Variants in TSEN34 observed in about 807,000 individuals in gnomAD.
TSEN34 encodes tRNA-splicing endonuclease subunit Sen34.
A neutral mutation model predicts 30.2 loss-of-function variants in TSEN34; 25 were observed. The ratio of observed to expected loss-of-function variants is 0.83; its 90% confidence interval spans 0.60 to 1.16. The LOEUF (loss-of-function observed/expected upper bound fraction) is 1.16. TSEN34 is among the 50% of genes most tolerant of loss of function. The pLI, the probability that TSEN34 is intolerant of heterozygous loss-of-function variation, is 0.00. For synonymous variants in TSEN34, 209 were observed against 177.4 expected (o/e 1.18, Z -1.41); for missense variants, 475 against 411.9 (o/e 1.15, Z -1.33).
chr19:54,190,075 A>AC (rs1350041549), upstream of TSEN34: 1 of 523,534 alleles, frequency 1.9e-6, no homozygotes, highest in African/African-American at 2.0e-5. Flanking sequence ...AAGGGGCGGA[A>AC]CCCCGAGGGC....
upstream of TSEN34, chr19:54,190,382 G>A: frequency 6.6e-7 from 1 of 1,504,776 alleles, no homozygotes; most frequent in Non-Finnish European, 8.9e-7. Flanking sequence ...GTGACTCGCT[G>A]GTTCTATCGG....
Position 54,194,501 on chromosome 19 carries a change from C to T in TSEN34, c.*1139C>T, listed in dbSNP as rs2076824374. On this transcript the variant is annotated 3_prime_UTR_variant, in exon 4 of 4. Coordinates refer to ENST00000396388, the MANE Select transcript of TSEN34 (RefSeq NM_001077446.4). ...TTAAGAAAGTACTAGAACACTACCA[C>T]TATTCCAATAATTACACCTTTATCT... 6.6e-6 allele frequency: 1 copy of T among 152,194 alleles called. No individual in the cohort carries two copies. The highest frequency in any genetic ancestry group is 2.4e-5 in the African/African-American group (1 of 41,448). The allele number at this position is 152,194 out of a possible 1,614,324, so 9.4% of individuals were successfully genotyped here.
At chr19:54,190,403 G>GAC (rs2076621369), upstream of TSEN34, 1 of 1,484,432 alleles carries the variant, frequency 6.7e-7, no homozygotes, top group South Asian at 1.3e-5. Context: ...TGGACAGTGG[G>GAC]ACATTCTGAA....
chr19:54,192,460 T>G (rs1045534380), intron 3 of TSEN34, 87 bp downstream of exon 3: 1 of 1,531,710 alleles, frequency 6.5e-7, no homozygotes, highest in Non-Finnish European at 8.9e-7. Context: ...TTTTTTTGTC[T>G]TAATAGAGGT....
chr19:54,190,463 G>A (rs2076625089), upstream of TSEN34: 10 of 1,389,436 alleles, frequency 7.2e-6, no homozygotes, highest in South Asian at 1.4e-4. Flanking sequence ...GAGCCCGCCC[G>A]AGCGGAGAGT....
upstream of TSEN34, chr19:54,190,517 C>A: frequency 7.5e-7 from 1 of 1,330,296 alleles, no homozygotes; most frequent in Middle Eastern, 2.4e-4. Context: ...CTGTGGGGTT[C>A]GGTCGTAGGG....
rs1388984477 is a variant in TSEN34, at chr19:54,191,509, C to T, written c.145C>T (p.Pro49Ser). ...CCGCCAGAACTCGCGCCTGGGCCTC[C>T]CGCTGCTGCTGATGCCCGAAGAGGC... ...GPRQNSRLGL[P>S]LLLMPEEARL... Residue 49 changes from proline (P) to serine (S), a missense_variant, in exon 1 of 4, where the codon CCG becomes TCG. Physicochemically the swap from Pro to Ser is moderately conservative, Grantham distance 74. Transcript: ENST00000396388. 1 of 1,585,888 alleles carries T rather than the reference C, an allele frequency of 6.3e-7. No individual in the cohort carries two copies. Among genetic ancestry groups the T allele is most frequent in the Non-Finnish European group, 8.5e-7 (1 of 1,171,110 alleles).
In TSEN34 at chr19:54,193,720, T is replaced by A. The variant is rs762136353; in HGVS notation, c.*358T>A. 3 of 737,880 alleles carry A rather than the reference T, an allele frequency of 4.1e-6. No individual in the cohort carries two copies. Among genetic ancestry groups the A allele is most frequent in the Non-Finnish European group, 7.2e-6 (3 of 417,406 alleles). 45.7% of individuals were successfully genotyped at this position (737,880 alleles called of 1,614,324 possible). ...GAACCCGTGGATGGTCTCATCTGCATGTACAGGTGAGAAAAAGGCCTGGAG... is the reference window on the plus strand; with the variant it reads ...GAACCCGTGGATGGTCTCATCTGCAAGTACAGGTGAGAAAAAGGCCTGGAG... On this transcript the variant is annotated 3_prime_UTR_variant, in exon 4 of 4. Coordinates refer to ENST00000396388, the MANE Select transcript of TSEN34 (RefSeq NM_001077446.4).
chr19:54,194,050 T>A lies in TSEN34; in HGVS notation c.*688T>A, dbSNP rs115025822. 1,851 of 182,218 alleles carry A rather than the reference T, an allele frequency of 0.01. 44 individuals are homozygous for A. Among genetic ancestry groups the A allele is most frequent in the African/African-American group, 0.042 (1,746 of 41,894 alleles). 11.3% of individuals were successfully genotyped at this position (182,218 alleles called of 1,614,324 possible). On this transcript the variant is annotated 3_prime_UTR_variant, in exon 4 of 4. Transcript: ENST00000396388. Reference sequence around the variant, plus strand: ...TACCCAGTCTCTACAAAAAATAATTTAAAAAAAAATTAGCCAGGGATCCCT... The same window carrying A: ...TACCCAGTCTCTACAAAAAATAATTAAAAAAAAAATTAGCCAGGGATCCCT...
At position 54,191,627 on chromosome 19, in the gene TSEN34, A is replaced by G. The variant is rs772763414; in HGVS notation, c.243+20A>G. 6.2e-7 allele frequency: 1 copy of G among 1,605,616 alleles called. No individual in the cohort carries two copies. Among genetic ancestry groups the G allele is most frequent in the East Asian group, 2.2e-5 (1 of 44,826 alleles). On this transcript the variant is annotated intron_variant, in intron 1 of 3. Transcript: ENST00000396388. Reference sequence around the variant, plus strand: ...AGCCTGGTAAGGGGGCGGGGCTCGAACTCGGGTTCGGTGGGAGCGGGACCT... The same window carrying G: ...AGCCTGGTAAGGGGGCGGGGCTCGAGCTCGGGTTCGGTGGGAGCGGGACCT...
Position 54,191,393 on chromosome 19 carries a change from G to T in TSEN34, c.29G>T (p.Arg10Leu), listed in dbSNP as rs1420559426. Residue 10 changes from arginine (R) to leucine (L), a missense_variant, in exon 1 of 4, where the codon CGC (arginine) becomes CTC (leucine). Transcript: ENST00000396388. MLVVEVANG[R>L]SLVWGAEAVQ... is the part of the protein sequence containing the mutation. ...CTGGTGGTGGAGGTGGCGAACGGCC[G>T]CTCCCTGGTGTGGGGAGCCGAGGCG... is the stretch of plus-strand genomic sequence containing the variant. The T allele has an allele frequency of 1.3e-6, 2 of 1,549,478 alleles. No individual in the cohort carries two copies. Among genetic ancestry groups the T allele is most frequent in the Admixed American group, 3.9e-5 (2 of 51,058 alleles).
At chr19:54,190,467 G>A (rs2076625396), upstream of TSEN34, 4 of 1,386,506 alleles carry the variant, frequency 2.9e-6, no homozygotes, top group African/African-American at 4.6e-5. Context: ...CCGCCCGAGC[G>A]GAGAGTGGAC....
Position 54,193,853 on chromosome 19 carries a change from C to T in TSEN34, c.*491C>T. On this transcript the variant is annotated 3_prime_UTR_variant, in exon 4 of 4. Transcript: ENST00000396388. The stretch of plus-strand genomic sequence containing the variant: ...TCTGCACTCTTTCTACCTCACTAAA[C>T]TTCCTTTTGAAAAGATTTCTATGAA... 4 of 588,720 alleles carry T rather than the reference C, an allele frequency of 6.8e-6. No individual in the cohort carries two copies. Among genetic ancestry groups the T allele is most frequent in the Non-Finnish European group, 1.2e-5 (4 of 332,244 alleles). 36.5% of individuals were successfully genotyped at this position (588,720 alleles called of 1,614,324 possible).
In TSEN34 at chr19:54,193,383, G is replaced by A. The variant is rs757821214; in HGVS notation, c.*21G>A. The A allele has an allele frequency of 1.2e-6, 2 of 1,614,074 alleles. No homozygotes were observed. The highest frequency in any genetic ancestry group is 1.7e-6 in the Non-Finnish European group (2 of 1,179,974). On this transcript the variant is annotated 3_prime_UTR_variant, in exon 4 of 4. Transcript: ENST00000396388. ...AGTGAACTCCAGAGACCTAGGGGAT[G>A]TGGCTGTGTCGGCAGCAAGAGCCTT...
chr19:54,192,441 CTTTTTTTT>C (rs11420984), intron 3 of TSEN34, 68 bp downstream of exon 3: 9 of 1,396,784 alleles, frequency 6.4e-6, no homozygotes, highest in East Asian at 2.3e-5. Flanking sequence ...CTGCGTTTTT[CTTTTTTTT>C]TTTTTTTGTC....
chr19:54,190,619 A>T, upstream of TSEN34: 1 of 1,243,254 alleles, frequency 8.0e-7, no homozygotes, highest in Non-Finnish European at 1.0e-6. Context: ...CCGAACGCCG[A>T]ACCTATTGCG....
Position 54,193,183 on chromosome 19 carries a change from C to G in TSEN34, c.754C>G (p.Leu252Val). Residue 252 changes from leucine (L) to valine (V), a missense_variant, in exon 4 of 4, where the codon CTC becomes GTC. Coordinates refer to ENST00000396388, the MANE Select transcript of TSEN34 (RefSeq NM_001077446.4). ...GDFLVYPGDPLRFHAHYIAQC... is the reference protein window; with the variant it reads ...GDFLVYPGDPVRFHAHYIAQC... Reference sequence around the variant, plus strand: ...CTCTCTCCTTCCCCCAGGTGACCCCCTCCGCTTCCACGCCCATTATATCGC... The same window carrying G: ...CTCTCTCCTTCCCCCAGGTGACCCCGTCCGCTTCCACGCCCATTATATCGC... 2 of 1,613,610 alleles carry G rather than the reference C, an allele frequency of 1.2e-6. No homozygotes were observed. Among genetic ancestry groups the G allele is most frequent in the Non-Finnish European group, 1.7e-6 (2 of 1,180,038 alleles).
At chr19:54,191,171 C>A, upstream of TSEN34, 1 of 1,381,832 alleles carries the variant, frequency 7.2e-7, no homozygotes, top group Non-Finnish European at 9.3e-7. Context: ...GGCCGCGAGG[C>A]CTGGTGGGAT....
At chr19:54,189,871 G>A (rs1205358977), upstream of TSEN34, 1 of 183,578 alleles carries the variant, frequency 5.4e-6, no homozygotes, top group Non-Finnish European at 1.2e-5. Context: ...TTCGGAGGTA[G>A]TCGAGTCCTT....
Sources: gnomAD v4.1 joint callset for allele counts on GRCh38, gnomAD v4.1.1 for gene constraint, MANE v1.5 for transcripts, NCBI Gene and HGNC (gene_info 2026-07-23, HGNC 2026-07-21) for gene names.